Variants in PUM1 observed in about 807,000 individuals in gnomAD.
PUM1 encodes the protein pumilio RNA binding family member 1.
Under a neutral mutation model 131.8 loss-of-function variants are expected in PUM1, and 13 were observed. That is an observed-to-expected ratio of 0.10 (90% CI 0.06 to 0.16). The LOEUF (loss-of-function observed/expected upper bound fraction) is 0.16, where lower values mean the gene tolerates loss of function less well. Among genes scored for constraint, PUM1 ranks in the 10% least tolerant of loss-of-function variants. PUM1 has a pLI of 1.00. For synonymous variants in PUM1, 509 were observed against 556.5 expected (o/e 0.91, Z 1.20); for missense variants, 961 against 1,512.4 (o/e 0.64, Z 6.05).
intron 13 of PUM1, among the ~76,000 whole-genome samples, chr1:30,965,138 G>A (rs1640567731): frequency 6.6e-6 from 1 of 152,174 alleles, no homozygotes; most frequent in Non-Finnish European, 1.5e-5. Context: ...TTCCTATGGT[G>A]TCGTATATTA....
intron 19 of PUM1, 28 bp from the exon 20 acceptor site, chr1:30,941,300 A>C (rs368281129): frequency 6.3e-7 from 1 of 1,599,146 alleles, no homozygotes; most frequent in South Asian, 1.1e-5. Flanking sequence ...AGAGAAATAA[A>C]ATGTATGTGA....
chr1:30,994,657 AACC>A (rs1258710091), intron 6 of PUM1, among the ~76,000 whole-genome samples: 1 of 152,194 alleles, frequency 6.6e-6, no homozygotes, highest in Non-Finnish European at 1.5e-5. Context: ...TTTCCCTCTA[AACC>A]ACCAGAGGGA....
chr1:30,941,098 A>G lies in PUM1; in HGVS notation c.3242+53T>C, dbSNP rs1454479662. 1.2e-5 allele frequency: 19 copies of G among 1,544,028 alleles called. No homozygotes were observed. In the South Asian group the frequency reaches 1.8e-4, roughly 14 times the overall value. Reference sequence around the variant, plus strand: ...TAAAAAATAAGATAATTATAGTTCAATACTACTAATCCTCTCTTCTGGGAA... The same window carrying G: ...TAAAAAATAAGATAATTATAGTTCAGTACTACTAATCCTCTCTTCTGGGAA... On this transcript the variant is annotated intron_variant, in intron 20 of 21. Coordinates refer to ENST00000426105, the MANE Select transcript of PUM1 (RefSeq NM_001020658.2).
intron 5 of PUM1, among the ~76,000 whole-genome samples, 180 bp downstream of exon 5, chr1:31,005,673 A>G (rs1273189412): frequency 6.6e-6 from 1 of 152,204 alleles, no homozygotes; most frequent in African/African-American, 2.4e-5. Context: ...TTGAGTTTAC[A>G]TCTCCTACTA....
intron 9 of PUM1, among the ~76,000 whole-genome samples, chr1:30,975,343 G>GTTTGTTTTT (rs1234093672): frequency 8.0e-6 from 1 of 124,524 alleles, no homozygotes; most frequent in African/African-American, 2.9e-5. Flanking sequence ...TGCTGTTACT[G>GTTTGTTTTT]TTTGTTTTTT....
chr1:30,942,233 A>ATATATATATATATG (rs1639481927), intron 18 of PUM1, 110 bp from the exon 19 acceptor site: 3 of 163,902 alleles, frequency 1.8e-5, no homozygotes, highest in East Asian at 2.4e-4. Context: ...ATATATATAT[A>ATATATATATATATG]TATGTATTAT....
chr1:30,945,202 C>T, intron 18 of PUM1, 144 bp downstream of exon 18: 2 of 926,946 alleles, frequency 2.2e-6, no homozygotes, highest in South Asian at 3.3e-5. Flanking sequence ...CCACTGCACT[C>T]CAGCCTGGGC....
intron 2 of PUM1, among the ~76,000 whole-genome samples, chr1:31,056,604 C>CTTTTT (rs1644243907): frequency 1.3e-5 from 1 of 79,638 alleles, no homozygotes; most frequent in Non-Finnish European, 2.8e-5. Context: ...CCTTCCTTTT[C>CTTTTT]TTTTCTTTTT....
chr1:30,968,304 G>A (rs752422974), intron 11 of PUM1, 50 bp downstream of exon 11: 16 of 1,590,194 alleles, frequency 1.0e-5, no homozygotes, highest in African/African-American at 8.1e-5. Flanking sequence ...CACCTCAAAC[G>A]TGCAGCCTTT....
chr1:30,963,413 A>G (rs998517897), intron 14 of PUM1, among the ~76,000 whole-genome samples: 1 of 152,234 alleles, frequency 6.6e-6, no homozygotes, highest in Non-Finnish European at 1.5e-5. Context: ...TTCATATATA[A>G]CCTGAGAAAA....
intron 14 of PUM1, among the ~76,000 whole-genome samples, chr1:30,959,179 G>A (rs908107287): frequency 1.3e-5 from 2 of 152,152 alleles, no homozygotes; most frequent in African/African-American, 4.8e-5. Context: ...GGCTTACCTG[G>A]TCAAGTTTAT....
chr1:31,014,242 A>G (rs1390053186), intron 3 of PUM1, among the ~76,000 whole-genome samples: 1 of 147,448 alleles, frequency 6.8e-6, no homozygotes, highest in East Asian at 2.2e-4. Flanking sequence ...TCAAGGCTGC[A>G]GTGAGCCATG....
intron 14 of PUM1, among the ~76,000 whole-genome samples, chr1:30,956,035 A>G (rs999798837): frequency 2.0e-5 from 3 of 152,218 alleles, no homozygotes; most frequent in Admixed American, 2.0e-4. Context: ...TACAAAACCC[A>G]AAATTGTCAT....
chr1:31,005,639 C>T (rs1350473230), intron 5 of PUM1, among the ~76,000 whole-genome samples: 1 of 152,154 alleles, frequency 6.6e-6, no homozygotes, highest in Non-Finnish European at 1.5e-5. Flanking sequence ...CCCACCAAAA[C>T]ATTATTACTT....
In PUM1 at chr1:31,056,609, C is replaced by CTTTTCTTTTTT. The variant is rs1644245029; in HGVS notation, c.363+2594_363+2595insAAAAAAGAAAA. On this transcript the variant is annotated intron_variant, in intron 2 of 21. Transcript: ENST00000426105. The stretch of plus-strand genomic sequence containing the variant: ...CAGCTGAAAACCTTCCTTTTCTTTT[C>CTTTTCTTTTTT]TTTTTTTTTTTTTTTTTTTTTTTTT... Among the ~76,000 whole-genome samples, 57 of 43,720 alleles carry CTTTTCTTTTTT rather than the reference C, an allele frequency of 1.3e-3. 1 individual carries two copies. The highest frequency in any genetic ancestry group is 1.8e-3 in the Non-Finnish European group (46 of 24,884). 28.7% of individuals were successfully genotyped at this position (43,720 alleles called of 152,430 possible).
intron 18 of PUM1, among the ~76,000 whole-genome samples, chr1:30,943,396 G>A (rs1639541275): frequency 1.3e-5 from 2 of 152,080 alleles, no homozygotes; most frequent in Non-Finnish European, 2.9e-5. Context: ...CCAAGTAGCT[G>A]GGATTACAGG....
At chr1:30,943,271 T>C (rs1299128254) in intron 18 of PUM1, among the ~76,000 whole-genome samples, 2 of 152,178 alleles carry the variant, frequency 1.3e-5, no homozygotes, top group Non-Finnish European at 2.9e-5. Context: ...GAATTTTTTT[T>C]TTTTTTATTA....
rs1431774973 is a variant in PUM1, at chr1:30,992,644, A to C, written c.904T>G (p.Cys302Gly). The stretch of plus-strand genomic sequence containing the variant: ...TCCACTTCATTAGCAGAGTTCTGGC[A>C]ATTACCAGGGGTACGGCTAAACAGA... ...VKDFSRTPGNCQNSANEVDLL... is the reference protein window; with the variant it reads ...VKDFSRTPGNGQNSANEVDLL... The change falls in exon 7 of 22, where the codon TGC becomes GGC. Residue 302 changes from cysteine to glycine, a missense_variant. Physicochemically the swap from Cys to Gly is radical, Grantham distance 159. Transcript: ENST00000426105. 1 of 1,613,646 alleles carries C rather than the reference A, an allele frequency of 6.2e-7. No individual in the cohort carries two copies. Among genetic ancestry groups the C allele is most frequent in the Admixed American group, 1.7e-5 (1 of 59,996 alleles).
At chr1:31,036,256 G>C (rs1643608640) in intron 2 of PUM1, among the ~76,000 whole-genome samples, 1 of 152,048 alleles carries the variant, frequency 6.6e-6, no homozygotes, top group Non-Finnish European at 1.5e-5. Flanking sequence ...TTTTTTAGTA[G>C]AGATGGGGTT....
Sources: gnomAD v4.1 joint callset for allele counts (sites outside exome capture counted in the v4.1 genomes callset) on GRCh38, gnomAD v4.1.1 for gene constraint, MANE v1.5 for transcripts, NCBI Gene and HGNC (gene_info 2026-07-23, HGNC 2026-07-21) for gene names.